The following DNM1L variants were observed in gnomAD, a reference collection of about 807,000 sequenced individuals.
DNM1L encodes dynamin-1-like protein.
In DNM1L, 33 loss-of-function variants were observed where a neutral mutation model predicts 92.8. The observed-to-expected ratio is 0.36, with a 90% confidence interval of 0.27 to 0.48. The LOEUF is 0.48. Among genes scored for constraint, DNM1L ranks in the 20% least tolerant of loss-of-function variants. The pLI is 0.99. For synonymous variants in DNM1L, 284 were observed against 305.0 expected (o/e 0.93, Z 0.72); for missense variants, 485 against 888.8 (o/e 0.55, Z 5.78).
Position 32,744,641 on chromosome 12 carries a change from A to C in DNM1L, c.*1231A>C. On this transcript the variant is annotated 3_prime_UTR_variant, in exon 20 of 20. Coordinates refer to ENST00000549701, the MANE Select transcript of DNM1L (RefSeq NM_012062.5). ...GGCAGGAGAATTGCTTGACCCTGGGAGGTGGAGGTTGTGGTGAGCTAAGAT... is the reference window on the plus strand; with the variant it reads ...GGCAGGAGAATTGCTTGACCCTGGGCGGTGGAGGTTGTGGTGAGCTAAGAT... 3.4e-6 allele frequency: 1 copy of C among 298,302 alleles called. No homozygotes were observed. The highest frequency in any genetic ancestry group is 2.9e-5 in the South Asian group (1 of 34,436). The allele number at this position is 298,302 out of a possible 1,614,324, so 18.5% of individuals were successfully genotyped here. A position where few individuals can be genotyped will look rare whatever the true frequency, so the allele number is the denominator to read the frequency against.
intron 5 of DNM1L, among the ~76,000 whole-genome samples, chr12:32,712,511 A>C (rs1326825385): frequency 6.6e-6 from 1 of 152,016 alleles, no homozygotes; most frequent in Admixed American, 6.6e-5. Context: ...GGCCAGGTGC[A>C]GAGTGGCTTA....
intron 4 of DNM1L, 22 bp downstream of exon 4, chr12:32,708,246 G>C: frequency 1.4e-6 from 2 of 1,397,756 alleles, no homozygotes; most frequent in Non-Finnish European, 2.0e-6. Flanking sequence ...TTTAGAGCTA[G>C]AAGGCATAAG....
rs769684495 is a variant in DNM1L, at chr12:32,737,163, T to A, written c.1596+2T>A. 3.7e-6 allele frequency: 6 copies of A among 1,613,372 alleles called. No homozygotes were observed. In the Admixed American group the frequency reaches 1.0e-4, roughly 27 times the overall value. ...CCTTCAGCTGTATCACGAGACAAGG[T>A]AAAAAAATGTTTTTAATGCATATTC... is the stretch of plus-strand genomic sequence containing the variant. On this transcript the variant is annotated splice_donor_variant, in intron 14 of 19. Coordinates refer to ENST00000549701, the MANE Select transcript of DNM1L (RefSeq NM_012062.5). LOFTEE classifies it high-confidence loss of function.
intron 9 of DNM1L, chr12:32,726,805 G>T: frequency 1.6e-6 from 1 of 618,578 alleles, no homozygotes; most frequent in Non-Finnish European, 2.9e-6. Context: ...ATAATTTCTT[G>T]TCCATCAAAG....
chr12:32,730,289 A>C (rs1954463932), intron 9 of DNM1L, among the ~76,000 whole-genome samples: 1 of 152,222 alleles, frequency 6.6e-6, no homozygotes, highest in Non-Finnish European at 1.5e-5. Flanking sequence ...GCTTGAACCC[A>C]GGAGGCGGAG....
chr12:32,720,307 A>T (rs146062682), intron 7 of DNM1L, among the ~76,000 whole-genome samples: 151 of 152,288 alleles, frequency 9.9e-4, no homozygotes, highest in African/African-American at 3.5e-3. Flanking sequence ...TAAAATATAC[A>T]GTTGACTAAG....
intron 16 of DNM1L, 76 bp downstream of exon 16, chr12:32,738,372 GA>G: frequency 1.3e-6 from 2 of 1,500,718 alleles, no homozygotes; most frequent in South Asian, 2.3e-5. Flanking sequence ...CACCATTAAA[GA>G]ACCTGTTTGT....
rs1400130202 is a variant in DNM1L, at chr12:32,743,573, A to G, written c.*163A>G. 5.1e-5 allele frequency: 33 copies of G among 648,854 alleles called. No homozygotes were observed. The East Asian group carries it at 6.9e-4, about 14-fold the overall frequency. The allele number at this position is 648,854 out of a possible 1,614,324, so 40.2% of individuals were successfully genotyped here. Reference sequence around the variant, plus strand: ...AAGTGTATTCCAAATTGCAGAACACATCACACATTTAATCCAAATAATAAA... The same window carrying G: ...AAGTGTATTCCAAATTGCAGAACACGTCACACATTTAATCCAAATAATAAA... On this transcript the variant is annotated 3_prime_UTR_variant, in exon 20 of 20. Transcript: ENST00000549701.
intron 16 of DNM1L, 87 bp downstream of exon 16, chr12:32,738,383 T>G (rs554440410): frequency 3.0e-4 from 416 of 1,381,208 alleles, no homozygotes; most frequent in Non-Finnish European, 4.0e-4. Context: ...AACCTGTTTG[T>G]GTAGTGGTAT....
At chr12:32,717,312 TTATA>T (rs1238306332) in intron 6 of DNM1L, among the ~76,000 whole-genome samples, 2 of 82,264 alleles carry the variant, frequency 2.4e-5, no homozygotes, top group Admixed American at 1.8e-4. Flanking sequence ...ATACTATATA[TTATA>T]TATACACTAT....
chr12:32,698,844 T>C (rs952224539), intron 1 of DNM1L, among the ~76,000 whole-genome samples: 11 of 152,122 alleles, frequency 7.2e-5, no homozygotes, highest in Admixed American at 3.3e-4. Context: ...ATATTGGTAT[T>C]GTATGTATGT....
chr12:32,688,909 T>C (rs1952126145), intron 1 of DNM1L, among the ~76,000 whole-genome samples: 1 of 152,210 alleles, frequency 6.6e-6, no homozygotes, highest in East Asian at 1.9e-4. Context: ...ATAAGAACAC[T>C]CTTTTAAGCC....
chr12:32,742,815 C>T (rs1464881192), intron 19 of DNM1L, 67 bp downstream of exon 19: 1 of 1,572,550 alleles, frequency 6.4e-7, no homozygotes, highest in African/African-American at 1.4e-5. Context: ...GTTTTAAATG[C>T]AGTTTGATTC....
Position 32,737,108 on chromosome 12 carries a change from C to A in DNM1L, c.1543C>A (p.Gln515Lys). 1 of 1,613,562 alleles carries A rather than the reference C, an allele frequency of 6.2e-7. No individual in the cohort carries two copies. The highest frequency in any genetic ancestry group is 8.5e-7 in the Non-Finnish European group (1 of 1,179,808). ...TTGTTTTGCTTGTGTTTCTTAGGAA[C>A]AAAGGAGAAACAGGCTAGCCAGAGA... ...CGLMNNNIEE[Q>K]RRNRLARELP... Residue 515 changes from glutamine (Q) to lysine (K), a missense_variant, in exon 14 of 20, where the codon CAA (glutamine) becomes AAA (lysine). Coordinates refer to ENST00000549701, the MANE Select transcript of DNM1L (RefSeq NM_012062.5).
Position 32,722,788 on chromosome 12 carries a change from G to A in DNM1L, c.1079+155G>A, listed in dbSNP as rs76130506. 4.9e-3 allele frequency: 2,854 copies of A among 585,970 alleles called. 78 individuals are homozygous for A. In the African/African-American group the frequency reaches 0.049, roughly 10 times the overall value. 36.3% of individuals were successfully genotyped at this position (585,970 alleles called of 1,614,324 possible). A position where few individuals can be genotyped will look rare whatever the true frequency, so the allele number is the denominator to read the frequency against. On this transcript the variant is annotated intron_variant, in intron 9 of 19. Transcript: ENST00000549701. ...AGAGATAATAGGATGATGTCTGGTT[G>A]TGTGAAAATATGCTTTGTAAATGAT...
intron 14 of DNM1L, 22 bp downstream of exon 14, chr12:32,737,183 A>G (rs763009314): frequency 1.2e-6 from 2 of 1,610,514 alleles, no homozygotes; most frequent in South Asian, 1.1e-5. Flanking sequence ...TTTTTAATGC[A>G]TATTCCCAAT....
chr12:32,710,481 TG>T (rs1480987227), intron 4 of DNM1L, among the ~76,000 whole-genome samples: 1 of 152,094 alleles, frequency 6.6e-6, no homozygotes, highest in Admixed American at 6.6e-5. Context: ...TATCTGGACA[TG>T]GTGGTGCACA....
chr12:32,694,737 A>C (rs1461524971), intron 1 of DNM1L, among the ~76,000 whole-genome samples: 1 of 152,186 alleles, frequency 6.6e-6, no homozygotes, highest in Admixed American at 6.5e-5. Context: ...GTTTCTCTAC[A>C]AACGCTCAAA....
At chr12:32,721,529 C>T (rs1953803241) in intron 8 of DNM1L, among the ~76,000 whole-genome samples, 1 of 151,974 alleles carries the variant, frequency 6.6e-6, no homozygotes, top group South Asian at 2.1e-4. Flanking sequence ...TAGGAAAAAC[C>T]AATCAAAATT....
Sources: gnomAD v4.1 joint callset for allele counts (sites outside exome capture counted in the v4.1 genomes callset) on GRCh38, gnomAD v4.1.1 for gene constraint, MANE v1.5 for transcripts, NCBI Gene and HGNC (gene_info 2026-07-23, HGNC 2026-07-21) for gene names.